Variants in CENPM observed in about 807,000 individuals in gnomAD.
CENPM encodes centromere protein M, also known as interphase centromere complex protein 39.
A neutral mutation model predicts 19.6 loss-of-function variants in CENPM; 14 were observed. That is an observed-to-expected ratio of 0.71 (90% CI 0.47 to 1.11). The LOEUF (loss-of-function observed/expected upper bound fraction) is 1.11. Among genes scored for constraint, CENPM ranks in the 50% most tolerant of loss-of-function variants. The pLI, the probability that CENPM is intolerant of heterozygous loss-of-function variation, is 0.00. For missense variants in CENPM, 239 were observed against 228.4 expected (o/e 1.05, Z -0.30); for synonymous variants, 114 against 101.5 (o/e 1.12, Z -0.74).
rs755984435 is a variant in CENPM at position 41,939,226 on chromosome 22, A to T, written c.403-30T>A. 6 of 1,587,984 alleles carry T rather than the reference A, an allele frequency of 3.8e-6. No individual in the cohort carries two copies. The Admixed American group carries it at 1.0e-4, about 28-fold the overall frequency. Reference sequence around the variant, plus strand: ...GGGGAGAGCAGAGAACAGCAGTGAGATAGAATGCTGGCCCTGCTCCCTTAC... The same window carrying T: ...GGGGAGAGCAGAGAACAGCAGTGAGTTAGAATGCTGGCCCTGCTCCCTTAC... On this transcript the variant is annotated intron_variant, in intron 5 of 5. Coordinates refer to ENST00000215980, the MANE Select transcript of CENPM (RefSeq NM_024053.5).
intron 1 of CENPM, chr22:41,946,747 A>T: frequency 1.7e-6 from 1 of 598,292 alleles, no homozygotes; most frequent in Non-Finnish European, 3.0e-6. Context: ...CCAGGAGGCC[A>T]GACCCCCAGA....
At chr22:41,930,418 A>G in the CENPM span, among the ~76,000 whole-genome samples, 2 of 151,890 alleles carry the variant, frequency 1.3e-5, no homozygotes, top group Non-Finnish European at 2.9e-5. Context: ...TTTTTAGTAG[A>G]AATGGGGTTT....
rs149736882 is a variant in CENPM at position 41,942,255 on chromosome 22, G to A, written c.402+1355C>T. Among the ~76,000 whole-genome samples, 72 of 152,332 alleles carry A rather than the reference G, an allele frequency of 4.7e-4. No homozygotes were observed. The East Asian group carries it at 0.01, about 22-fold the overall frequency. The stretch of plus-strand genomic sequence containing the variant: ...GACCCCTCAGTAGACCCATCGCGGG[G>A]AGCACATCAACTCCTGCTGAGGCCT... On this transcript the variant is annotated intron_variant, in intron 5 of 5. Coordinates refer to ENST00000215980, the MANE Select transcript of CENPM (RefSeq NM_024053.5).
At chr22:41,928,981 C>T in the CENPM span, among the ~76,000 whole-genome samples, 15 of 151,998 alleles carry the variant, frequency 9.9e-5, no homozygotes, top group African/African-American at 2.4e-4. The surrounding 1 kb of genome is among the most constrained non-coding windows in gnomAD (Gnocchi z 4.0). Context: ...GACTGGTGGG[C>T]GCTGGCCCAC....
At chr22:41,928,766 TGG>T in the CENPM span, among the ~76,000 whole-genome samples, 1,465 of 152,086 alleles carry the variant, frequency 9.6e-3, 28 homozygotes, top group African/African-American at 0.03. The surrounding 1 kb of genome is among the most constrained non-coding windows in gnomAD (Gnocchi z 4.0). Context: ...GTACAGAACC[TGG>T]GGGTGTCTGG....
chr22:41,935,605 G>A (rs1051926673), downstream of CENPM, among the ~76,000 whole-genome samples: 13 of 152,170 alleles, frequency 8.5e-5, no homozygotes, highest in Admixed American at 1.3e-4. Context: ...CTCAAGCAGA[G>A]GCTGGCTTCC....
Position 41,945,297 on chromosome 22 carries a change from T to G in CENPM, c.238A>C (p.Asn80His). The change falls in exon 4 of 6, where the codon AAC becomes CAC. Residue 80 changes from asparagine to histidine, a missense_variant. Asn to His is a moderately conservative substitution (Grantham distance 68). Coordinates refer to ENST00000215980, the MANE Select transcript of CENPM (RefSeq NM_024053.5). ...VNLHSKYSLQ[N>H]TEESLRHVDA... ...ACATGGCGCAGGGACTCCTCTGTGT[T>G]CTGGAGACTGGGGTGGCCAGGCCAG... The G allele has an allele frequency of 1.2e-6, 2 of 1,613,988 alleles. No individual in the cohort carries two copies. Among genetic ancestry groups the G allele is most frequent in the Non-Finnish European group, 1.7e-6 (2 of 1,180,010 alleles).
Position 41,946,958 on chromosome 22 carries a change from A to C in CENPM, c.57+62T>G. 3 of 1,540,322 alleles carry C rather than the reference A, an allele frequency of 1.9e-6. No individual in the cohort carries two copies. In the East Asian group the frequency reaches 6.7e-5, roughly 35 times the overall value. On this transcript the variant is annotated intron_variant, in intron 1 of 5. Coordinates refer to ENST00000215980, the MANE Select transcript of CENPM (RefSeq NM_024053.5). ...GCGCCTCAGAGAGCTCAGTTGACCT[A>C]GTGGCTGAAGCACCGCCCAGGAGGA...
chr22:41,936,827 C>T (rs2077685921), downstream of CENPM, among the ~76,000 whole-genome samples: 1 of 152,124 alleles, frequency 6.6e-6, no homozygotes, highest in East Asian at 1.9e-4. Flanking sequence ...GCTCGGGAGG[C>T]TGAGGCAGGA....
chr22:41,937,150 T>G (rs1326743719), downstream of CENPM, among the ~76,000 whole-genome samples: 4 of 152,148 alleles, frequency 2.6e-5, no homozygotes, highest in Non-Finnish European at 4.4e-5. Context: ...AATCTCCAAT[T>G]AGACCCAAGG....
At chr22:41,944,748 C>G in intron 4 of CENPM, 1 of 985,364 alleles carries the variant, frequency 1.0e-6, no homozygotes, top group Non-Finnish European at 1.2e-6. Context: ...ATGAGACTAG[C>G]TCAGAAGGCA....
downstream of CENPM, among the ~76,000 whole-genome samples, chr22:41,936,506 C>A (rs13058076): frequency 6.6e-6 from 1 of 152,194 alleles, no homozygotes; most frequent in Non-Finnish European, 1.5e-5. Flanking sequence ...GGGGCCTGAG[C>A]TAAGTTCCAG....
At chr22:41,939,928 A>C (rs1602386028) in intron 5 of CENPM, among the ~76,000 whole-genome samples, 1 of 144,722 alleles carries the variant, frequency 6.9e-6, no homozygotes, top group South Asian at 2.3e-4. Flanking sequence ...CTGTCTCTCT[A>C]TTTCTGCCCT....
At chr22:41,944,854 T>C in intron 4 of CENPM, 2 of 1,041,068 alleles carry the variant, frequency 1.9e-6, no homozygotes, top group Non-Finnish European at 1.2e-6. Flanking sequence ...GGCAGAGTTA[T>C]CTGCTCATAT....
chr22:41,937,053 G>C (rs913697825), downstream of CENPM, among the ~76,000 whole-genome samples: 1 of 152,228 alleles, frequency 6.6e-6, no homozygotes, highest in Non-Finnish European at 1.5e-5. Flanking sequence ...CATGCAGGGT[G>C]AATGTGGGGA....
chr22:41,945,974 T>TGGAG lies in CENPM; in HGVS notation c.165_168dup (p.Ser57LeufsTer9). On this transcript the variant is annotated frameshift_variant, in exon 3 of 6. Transcript: ENST00000215980. LOFTEE classifies it high-confidence loss of function. ...AGGTCAATTCGGGGCCGATTCACAC[T>TGGAG]GGAGGGCAAAGGGAGGGACTTTGCC... is the stretch of plus-strand genomic sequence containing the variant. The TGGAG allele has an allele frequency of 6.2e-7, 1 of 1,614,036 alleles. No homozygotes were observed. Among genetic ancestry groups the TGGAG allele is most frequent in the Non-Finnish European group, 8.5e-7 (1 of 1,179,976 alleles).
chr22:41,946,413 T>TG lies in CENPM; in HGVS notation c.137+3_137+4insC. 1.2e-6 allele frequency: 2 copies of TG among 1,612,680 alleles called. No homozygotes were observed. Among genetic ancestry groups the TG allele is most frequent in the Non-Finnish European group, 1.7e-6 (2 of 1,179,662 alleles). On this transcript the variant is annotated splice_donor_region_variant and intron_variant, in intron 2 of 5. Transcript: ENST00000215980. ...GGGCCCAGGCCACAGCCGCGGCTAC[T>TG]TACACCTTCAGCTCGGAGGCGCAGT...
the CENPM span, chr22:41,928,096 T>G: frequency 3.0e-6 from 1 of 336,514 alleles, no homozygotes; most frequent in Admixed American, 3.5e-5. This position sits in a 1 kb window ranked among gnomAD's most constrained non-coding sequence, Gnocchi z 4.0. Context: ...TCTAGCACAT[T>G]AGGGAGCTTG....
At chr22:41,930,370 C>T in the CENPM span, among the ~76,000 whole-genome samples, 3 of 152,094 alleles carry the variant, frequency 2.0e-5, no homozygotes, top group African/African-American at 7.2e-5. Flanking sequence ...GCTGGGACTA[C>T]AGGCACGGGC....
Sources: gnomAD v4.1 joint callset for allele counts (sites outside exome capture counted in the v4.1 genomes callset) on GRCh38, gnomAD v4.1.1 for gene constraint, Gnocchi (gnomAD v3.1) non-coding constraint, MANE v1.5 for transcripts, NCBI Gene and HGNC (gene_info 2026-07-23, HGNC 2026-07-21) for gene names.